ANO3: variants seen among roughly 807,000 people sequenced by gnomAD.
ANO3 encodes anoctamin-3.
Under a neutral mutation model 144.8 loss-of-function variants are expected in ANO3, and 99 were observed. The observed-to-expected ratio is 0.68, with a 90% CI of 0.58 to 0.81. The LOEUF is 0.81. Among genes scored for constraint, ANO3 ranks in the 30% least tolerant of loss-of-function variants. ANO3 has a pLI of 0.00. For synonymous variants in ANO3, 414 were observed against 392.6 expected, an observed-to-expected ratio of 1.05 and a Z score of -0.64; for missense variants, 905 against 1,202.2, an observed-to-expected ratio of 0.75 and a Z score of 3.66.
intron 4 of ANO3, among the ~76,000 whole-genome samples, chr11:26,479,028 G>A (rs968762926): frequency 6.6e-6 from 1 of 152,134 alleles, no homozygotes; most frequent in Non-Finnish European, 1.5e-5. Context: ...AAGAAAGAAT[G>A]AGACAGAGAA....
rs148479420 is a variant in ANO3 at position 26,370,633 on chromosome 11, C to T, written c.46+38312C>T. Among the ~76,000 whole-genome samples, 9 of 152,218 alleles carry T rather than the reference C, an allele frequency of 5.9e-5. No individual in the cohort carries two copies. In the South Asian group the frequency reaches 8.3e-4, roughly 14 times the overall value. On this transcript the variant is annotated intron_variant, in intron 1 of 26. Coordinates refer to ENST00000256737, the MANE Select transcript of ANO3 (RefSeq NM_031418.4). ...CTCAAAGGACAGGAAGATGTGGGAA[C>T]GTTTGGAACTTCCTAGAGACTTTTT...
At chr11:26,527,369 A>G (rs1015973424) in intron 7 of ANO3, among the ~76,000 whole-genome samples, 1 of 152,168 alleles carries the variant, frequency 6.6e-6, no homozygotes, top group South Asian at 2.1e-4. Flanking sequence ...TTATTAAAAT[A>G]TCTTGAACCT....
At chr11:26,544,679 A>G (rs1411312906) in intron 11 of ANO3, among the ~76,000 whole-genome samples, 2 of 150,896 alleles carry the variant, frequency 1.3e-5, no homozygotes, top group Non-Finnish European at 3.0e-5. Context: ...TGCATATTTC[A>G]AAACATCACA....
At chr11:26,241,905 G>T (rs1852671052) in intron 1 of ANO3, among the ~76,000 whole-genome samples, 1 of 152,148 alleles carries the variant, frequency 6.6e-6, no homozygotes, top group Admixed American at 6.5e-5. Context: ...ATCAGTGTAT[G>T]AATATCATTC....
Position 26,531,346 on chromosome 11 carries a change from CCT to C in ANO3, c.869+13_869+14del. 1 of 1,596,928 alleles carries C rather than the reference CCT, an allele frequency of 6.3e-7. No homozygotes were observed. Among genetic ancestry groups the C allele is most frequent in the East Asian group, 2.3e-5 (1 of 43,900 alleles). ...GTGCACGGATTCACCAGTGAGTTCC[CCT>C]CTTTTTTCATACTGCCTACCTTTAT... On this transcript the variant is annotated intron_variant, in intron 8 of 26. Coordinates refer to ENST00000256737, the MANE Select transcript of ANO3 (RefSeq NM_031418.4).
chr11:26,476,932 T>TGTGTGAGA (rs1334120290), intron 4 of ANO3, among the ~76,000 whole-genome samples: 5 of 133,958 alleles, frequency 3.7e-5, no homozygotes, highest in Non-Finnish European at 8.1e-5. Flanking sequence ...TGTGTGTGTG[T>TGTGTGAGA]GAGAGAGAGA....
chr11:26,517,064 G>T lies in ANO3; in HGVS notation c.692+137G>T. On this transcript the variant is annotated intron_variant, in intron 6 of 26. Coordinates refer to ENST00000256737, the MANE Select transcript of ANO3 (RefSeq NM_031418.4). ...TTCAAAATTTCAGTTATTCTGGACA[G>T]TTTTTTTTTCTTCCTAATTTGTTTG... 5 of 450,392 alleles carry T rather than the reference G, an allele frequency of 1.1e-5. No homozygotes were observed. The South Asian group carries it at 1.7e-4, about 15-fold the overall frequency. The allele number at this position is 450,392 out of a possible 1,614,324, so 27.9% of individuals were successfully genotyped here.
chr11:26,195,535 T>A (rs1851569231), intron 1 of ANO3, among the ~76,000 whole-genome samples: 1 of 151,960 alleles, frequency 6.6e-6, no homozygotes, highest in South Asian at 2.1e-4. Context: ...ACGGAGAGAG[T>A]AACAATAACA....
chr11:26,505,208 G>A (rs1030414951), intron 4 of ANO3, among the ~76,000 whole-genome samples: 1 of 151,900 alleles, frequency 6.6e-6, no homozygotes, highest in Non-Finnish European at 1.5e-5. Flanking sequence ...TTGAATGTTT[G>A]ATGGGTAAGA....
In ANO3 at chr11:26,232,202, G is replaced by T. The variant is rs570053337; in HGVS notation, c.154+42872G>T. ...TCACTATGGTTGGCCCAGGGATGCAGGTGTTACAATATGAACCCATGAGGG... is the reference window on the plus strand; with the variant it reads ...TCACTATGGTTGGCCCAGGGATGCATGTGTTACAATATGAACCCATGAGGG... On this transcript the variant is annotated intron_variant, in intron 1 of 27. Transcript: ENST00000672621. Among the ~76,000 whole-genome samples the T allele has an allele frequency of 4.6e-5, 7 of 152,214 alleles. No homozygotes were observed. In the South Asian group the frequency reaches 1.5e-3, roughly 32 times the overall value.
chr11:26,441,820 A>T, intron 1 of ANO3, 98 bp from the exon 2 acceptor site: 2 of 821,214 alleles, frequency 2.4e-6, no homozygotes, highest in Non-Finnish European at 3.9e-6. Flanking sequence ...ACTTTTCAAT[A>T]GTTCATTCCT....
intron 18 of ANO3, among the ~76,000 whole-genome samples, chr11:26,625,572 G>T (rs1295340242): frequency 2.0e-5 from 3 of 151,952 alleles, no homozygotes; most frequent in East Asian, 1.9e-4. Flanking sequence ...TACCACTTCT[G>T]TATTTTTTAA....
At chr11:26,266,361 G>A (rs190580687) in intron 1 of ANO3, among the ~76,000 whole-genome samples, 68 of 151,564 alleles carry the variant, frequency 4.5e-4, no homozygotes, top group African/African-American at 1.6e-3. Context: ...TATGGCAAAC[G>A]ATCCATGTAA....
chr11:26,448,325 A>G (rs1189017728), intron 3 of ANO3, among the ~76,000 whole-genome samples: 1 of 149,662 alleles, frequency 6.7e-6, no homozygotes, highest in African/African-American at 2.4e-5. Context: ...AGAAAGAAAT[A>G]TTTAGGGCTC....
chr11:26,384,179 C>T (rs1009720504), intron 1 of ANO3, among the ~76,000 whole-genome samples: 58 of 152,078 alleles, frequency 3.8e-4, no homozygotes, highest in African/African-American at 1.3e-3. Context: ...GGATTACAGG[C>T]GTGAGCCACC....
chr11:26,615,414 A>ATATATATATATATATATTT (rs1352935016), intron 17 of ANO3, among the ~76,000 whole-genome samples: 1 of 130,684 alleles, frequency 7.7e-6, no homozygotes. Context: ...ATATATATAT[A>ATATATATATATATATATTT]TTTTTTTTTT....
In ANO3 at chr11:26,279,520, G is replaced by T. The variant is rs1853632086; in HGVS notation, c.155-30125G>T. Among the ~76,000 whole-genome samples, 4 of 152,120 alleles carry T rather than the reference G, an allele frequency of 2.6e-5. No individual in the cohort carries two copies. In the South Asian group the frequency reaches 8.3e-4, roughly 31 times the overall value. Reference sequence around the variant, plus strand: ...AAGACAAACAACCCTATTAAAATGGGCAAAGGATTTGAATAGATATTTCTG... The same window carrying T: ...AAGACAAACAACCCTATTAAAATGGTCAAAGGATTTGAATAGATATTTCTG... On this transcript the variant is annotated intron_variant, in intron 1 of 27. Coordinates refer to the ANO3 transcript ENST00000672621.
intron 17 of ANO3, among the ~76,000 whole-genome samples, chr11:26,602,998 TGAAA>T (rs1469165664): frequency 2.0e-5 from 3 of 152,160 alleles, no homozygotes; most frequent in Non-Finnish European, 2.9e-5. Flanking sequence ...TGAAAGAAAT[TGAAA>T]GAAAGATTAC....
rs535630484 is a variant in ANO3, at chr11:26,392,585, G to T, written c.47-49333G>T. Among the ~76,000 whole-genome samples, 5 of 152,074 alleles carry T rather than the reference G, an allele frequency of 3.3e-5. No individual in the cohort carries two copies. The South Asian group carries it at 1.0e-3, about 32-fold the overall frequency. ...ATAGTTGGAAAAGAATAGACACAGA[G>T]ACCTGACAGACACATTTAGGAGGCT... On this transcript the variant is annotated intron_variant, in intron 1 of 26. Transcript: ENST00000256737.
Sources: gnomAD v4.1 joint callset for allele counts (sites outside exome capture counted in the v4.1 genomes callset) on GRCh38, gnomAD v4.1.1 for gene constraint, MANE v1.5 for transcripts, NCBI Gene and HGNC (gene_info 2026-07-23, HGNC 2026-07-21) for gene names.